The following TNKS variants were observed in gnomAD, a reference collection of about 807,000 sequenced individuals.
TNKS encodes poly [ADP-ribose] polymerase tankyrase-1.
Under a neutral mutation model 135.8 loss-of-function variants are expected in TNKS, and 72 were observed. That is an observed-to-expected ratio of 0.53 (90% confidence interval 0.44 to 0.64). The LOEUF is 0.64. TNKS is among the 30% of genes least tolerant of loss of function. The pLI, the probability that TNKS is intolerant of heterozygous loss-of-function variation, is 0.00. For missense variants in TNKS, 1,769 were observed against 1,674.0 expected (o/e 1.06, Z -0.99); for synonymous variants, 849 against 649.3 (o/e 1.31, Z -4.68).
intron 11 of TNKS, among the ~76,000 whole-genome samples, chr8:9,711,874 A>C (rs1328556527): frequency 6.6e-6 from 1 of 152,198 alleles, no homozygotes; most frequent in Non-Finnish European, 1.5e-5. Context: ...ATATCTACAT[A>C]ATTTAAACAC....
At chr8:9,589,165 T>C (rs1798497651) in intron 2 of TNKS, among the ~76,000 whole-genome samples, 1 of 152,176 alleles carries the variant, frequency 6.6e-6, no homozygotes. Flanking sequence ...AAACCTGTAT[T>C]AATGAAACAA....
intron 3 of TNKS, among the ~76,000 whole-genome samples, chr8:9,633,603 C>G (rs1800382449): frequency 6.6e-6 from 1 of 152,194 alleles, no homozygotes; most frequent in Non-Finnish European, 1.5e-5. Flanking sequence ...TGTGTGACCA[C>G]TAGCATATGG....
At chr8:9,694,761 CAAAA>C (rs58723864) in intron 5 of TNKS, among the ~76,000 whole-genome samples, 18 of 132,206 alleles carry the variant, frequency 1.4e-4, no homozygotes, top group Non-Finnish European at 1.5e-4. Context: ...GACTCTGTCT[CAAAA>C]AAAAAAAAAA....
chr8:9,727,387 G>A (rs1284276509), intron 13 of TNKS, among the ~76,000 whole-genome samples: 1 of 152,140 alleles, frequency 6.6e-6, no homozygotes, highest in Non-Finnish European at 1.5e-5. Flanking sequence ...ACTTAGGGAT[G>A]AAGTTAGCAA....
chr8:9,778,650 T>C lies in TNKS; in HGVS notation c.*1914T>C, dbSNP rs910055321. ...TAGCACTAGAATTCCAGGTGAAGCT[T>C]TGAGAGTTGATATTCATTAAGAGGG... On this transcript the variant is annotated 3_prime_UTR_variant, in exon 27 of 27. Coordinates refer to ENST00000310430, the MANE Select transcript of TNKS (RefSeq NM_003747.3). 1.3e-5 allele frequency: 2 copies of C among 152,548 alleles called. No homozygotes were observed. Among genetic ancestry groups the C allele is most frequent in the East Asian group, 1.9e-4 (1 of 5,192 alleles). 9.4% of individuals were successfully genotyped at this position (152,548 alleles called of 1,614,324 possible).
intron 2 of TNKS, among the ~76,000 whole-genome samples, chr8:9,601,250 T>G (rs1016686012): frequency 6.6e-6 from 1 of 152,246 alleles, no homozygotes; most frequent in Non-Finnish European, 1.5e-5. Flanking sequence ...ATCTCTGTTA[T>G]GAACCCATTT....
rs1807151519 is a variant in TNKS at position 9,761,612 on chromosome 8, G to C, written c.3250G>C (p.Glu1084Gln). 1 of 1,593,068 alleles carries C rather than the reference G, an allele frequency of 6.3e-7. No individual in the cohort carries two copies. Among genetic ancestry groups the C allele is most frequent in the Non-Finnish European group, 8.5e-7 (1 of 1,174,576 alleles). ...CCGCCACAAATTAATCAAAGGAGTAGAAAGACTCTTAGGTGGACAACAAGG... is the reference window on the plus strand; with the variant it reads ...CCGCCACAAATTAATCAAAGGAGTACAAAGACTCTTAGGTGGACAACAAGG... ...GHRHKLIKGV[E>Q]RLLGGQQGTN... is the part of the protein sequence containing the mutation. Residue 1084 changes from glutamate (E) to glutamine (Q), a missense_variant, in exon 21 of 27, where the codon GAA (glutamate) becomes CAA (glutamine). Coordinates refer to ENST00000310430, the MANE Select transcript of TNKS (RefSeq NM_003747.3).
chr8:9,587,964 C>G (rs774550609), intron 2 of TNKS, among the ~76,000 whole-genome samples: 5 of 152,066 alleles, frequency 3.3e-5, no homozygotes, highest in African/African-American at 4.8e-5. Flanking sequence ...GATTTGGTCA[C>G]TGAGGATAAG....
chr8:9,712,021 C>T (rs1325344808), intron 11 of TNKS, among the ~76,000 whole-genome samples: 3 of 152,140 alleles, frequency 2.0e-5, no homozygotes, highest in Non-Finnish European at 4.4e-5. Flanking sequence ...TGGAATTTTA[C>T]TACAGAATTT....
chr8:9,752,710 C>A, intron 20 of TNKS, 84 bp downstream of exon 20: 3 of 921,862 alleles, frequency 3.3e-6, no homozygotes, highest in African/African-American at 1.7e-5. Flanking sequence ...TTACTCCCAA[C>A]ACTTTGGAAT....
In TNKS at chr8:9,700,133, G is replaced by T. The variant is rs577185846; in HGVS notation, c.1108-4530G>T. On this transcript the variant is annotated intron_variant, in intron 5 of 26. Transcript: ENST00000310430. ...TAGACCAGCATCCTCCAGCCTTCCC[G>T]GGTGTCCTGAACTCCCCTTCCATGG... Among the ~76,000 whole-genome samples the T allele has an allele frequency of 2.6e-5, 4 of 151,984 alleles. No individual in the cohort carries two copies. The East Asian group carries it at 5.8e-4, about 22-fold the overall frequency.
intron 1 of TNKS, chr8:9,575,474 C>A: frequency 4.2e-6 from 4 of 955,682 alleles, no homozygotes; most frequent in Non-Finnish European, 5.0e-6. Flanking sequence ...ACTGACCAAC[C>A]AAAAAGAAAA....
intron 3 of TNKS, among the ~76,000 whole-genome samples, chr8:9,661,375 C>A (rs1277088920): frequency 6.6e-6 from 1 of 152,056 alleles, no homozygotes; most frequent in East Asian, 1.9e-4. Context: ...GGTACTGGTA[C>A]CAAAACAGAG....
At chr8:9,625,860 A>G (rs550416228) in intron 3 of TNKS, among the ~76,000 whole-genome samples, 2 of 152,284 alleles carry the variant, frequency 1.3e-5, no homozygotes, top group African/African-American at 4.8e-5. Flanking sequence ...TGGGCATGTG[A>G]AGAGAATGTA....
In TNKS at chr8:9,766,419, G is replaced by A; in HGVS notation, c.3734G>A (p.Cys1245Tyr). The change falls in exon 25 of 27, where the codon TGT becomes TAT. Residue 1245 changes from cysteine (C) to tyrosine (Y), a missense_variant. Physicochemically the swap from Cys to Tyr is radical, Grantham distance 194. Coordinates refer to ENST00000310430, the MANE Select transcript of TNKS (RefSeq NM_003747.3). ...CACAAGGACAGGTCATGCTATATATGTCACAGGTAAGCATCTTGCCATTAG... is the reference window on the plus strand; with the variant it reads ...CACAAGGACAGGTCATGCTATATATATCACAGGTAAGCATCTTGCCATTAG... ...PTHKDRSCYI[C>Y]HRQMLFCRVT... The A allele has an allele frequency of 6.3e-7, 1 of 1,583,172 alleles. No homozygotes were observed. The highest frequency in any genetic ancestry group is 8.6e-7 in the Non-Finnish European group (1 of 1,161,492).
chr8:9,680,011 G>T, intron 4 of TNKS, 24 bp downstream of exon 4: 3 of 1,589,148 alleles, frequency 1.9e-6, no homozygotes, highest in Non-Finnish European at 2.6e-6. Flanking sequence ...TTCATTTTAA[G>T]TGTATATAAT....
At chr8:9,604,066 A>G (rs187842684) in intron 2 of TNKS, among the ~76,000 whole-genome samples, 7 of 152,316 alleles carry the variant, frequency 4.6e-5, no homozygotes, top group African/African-American at 1.7e-4. Flanking sequence ...TAAGTACTAC[A>G]TTTATATCAA....
chr8:9,736,282 C>G (rs191237064), intron 17 of TNKS, among the ~76,000 whole-genome samples: 196 of 145,428 alleles, frequency 1.3e-3, no homozygotes, highest in Non-Finnish European at 2.5e-3. Context: ...ATTCGGGAGG[C>G]TGAGGTGGGA....
chr8:9,587,019 G>C (rs942365044), intron 2 of TNKS, among the ~76,000 whole-genome samples: 23 of 152,122 alleles, frequency 1.5e-4, no homozygotes, highest in Non-Finnish European at 2.9e-5. Context: ...GCTATATGTG[G>C]TAGGCAAATA....
Sources: allele counts gnomAD v4.1 joint callset (sites outside exome capture counted in the v4.1 genomes callset), GRCh38; gene constraint gnomAD v4.1.1; transcripts MANE v1.5; gene names NCBI Gene and HGNC (gene_info 2026-07-23, HGNC 2026-07-21).